KNG1: variants seen among roughly 807,000 people sequenced by gnomAD.
The protein encoded by KNG1 is kininogen 1.
In KNG1, 23 loss-of-function variants were observed where a neutral mutation model predicts 47.8. The observed-to-expected ratio is 0.48, with a 90% CI of 0.35 to 0.68. KNG1 has a LOEUF of 0.68. Ranked by LOEUF, KNG1 falls within the 30% of genes least tolerant of loss-of-function variation. KNG1 has a pLI of 0.01. For missense variants in KNG1, 762 were observed against 790.2 expected (o/e 0.96, Z 0.43); for synonymous variants, 277 against 277.0 (o/e 1.00, Z 0.00).
intron 3 of KNG1, among the ~76,000 whole-genome samples, chr3:186,723,347 A>G (rs541097662): frequency 1.6e-4 from 25 of 152,312 alleles, no homozygotes; most frequent in African/African-American, 5.5e-4. Context: ...TCTGCTATGT[A>G]ACATTAGAAC....
Position 186,744,053 on chromosome 3 carries a change from C to T in KNG1, c.*1722C>T, listed in dbSNP as rs1720880667. Reference sequence around the variant, plus strand: ...TCTGCCATGGAGGCTCATAACCCAACACTGGAACATTCCCTAGCCAAGGCA... The same window carrying T: ...TCTGCCATGGAGGCTCATAACCCAATACTGGAACATTCCCTAGCCAAGGCA... On this transcript the variant is annotated 3_prime_UTR_variant, in exon 10 of 10. Coordinates refer to ENST00000644859, the MANE Select transcript of KNG1 (RefSeq NM_001102416.3). 1 of 505,202 alleles carries T rather than the reference C, an allele frequency of 2.0e-6. No homozygotes were observed. Among genetic ancestry groups the T allele is most frequent in the Non-Finnish European group, 3.6e-6 (1 of 277,100 alleles). 31.3% of individuals were successfully genotyped at this position (505,202 alleles called of 1,614,324 possible). A position where few individuals can be genotyped will look rare whatever the true frequency, so the allele number is the denominator to read the frequency against.
intron 7 of KNG1, among the ~76,000 whole-genome samples, chr3:186,737,352 A>G (rs1446725572): frequency 6.6e-6 from 1 of 151,806 alleles, no homozygotes; most frequent in East Asian, 1.9e-4. Context: ...CATTGATTCT[A>G]TATCATAGTT....
chr3:186,721,614 A>G (rs1420488879), intron 2 of KNG1: 1 of 152,286 alleles, frequency 6.6e-6, no homozygotes, highest in East Asian at 1.9e-4. Context: ...AGACTCCAAG[A>G]GTCAAGGGGA....
At chr3:186,725,593 G>A (rs1199439000) in intron 4 of KNG1, among the ~76,000 whole-genome samples, 9 of 123,164 alleles carry the variant, frequency 7.3e-5, no homozygotes, top group African/African-American at 2.6e-4. Flanking sequence ...CGCCCAGGCT[G>A]GAGTGCAGTG....
intron 3 of KNG1, among the ~76,000 whole-genome samples, chr3:186,723,758 C>CCAGCCT (rs3083990): frequency 6.6e-6 from 1 of 151,558 alleles, no homozygotes; most frequent in Non-Finnish European, 1.5e-5. Flanking sequence ...AAGCAATTCT[C>CCAGCCT]CAGCCTCAGC....
Position 186,742,442 on chromosome 3 carries a change from CG to C in KNG1, c.*113del. The C allele has an allele frequency of 6.5e-7, 1 of 1,545,402 alleles. No homozygotes were observed. On this transcript the variant is annotated 3_prime_UTR_variant, in exon 10 of 10. Coordinates refer to ENST00000644859, the MANE Select transcript of KNG1 (RefSeq NM_001102416.3). ...TAATGCACCAAAAACCATGCAGCTT[CG>C]GAACAGTCTAAAGAGAAGTGGTGAG... is the stretch of plus-strand genomic sequence containing the variant.
intron 3 of KNG1, 53 bp downstream of exon 3, chr3:186,722,574 G>A (rs888428349): frequency 1.3e-5 from 18 of 1,370,098 alleles, no homozygotes; most frequent in Non-Finnish European, 1.9e-5. Context: ...CCATTTCTGT[G>A]AGCCAGGAAC....
intron 7 of KNG1, among the ~76,000 whole-genome samples, chr3:186,735,612 C>T (rs1489353177): frequency 6.6e-6 from 1 of 151,314 alleles, no homozygotes. Flanking sequence ...GAGTGAAACT[C>T]CATCTCAAAA....
At chr3:186,739,687 T>C (rs1185338403) in intron 9 of KNG1, among the ~76,000 whole-genome samples, 1 of 152,204 alleles carries the variant, frequency 6.6e-6, no homozygotes, top group Non-Finnish European at 1.5e-5. Context: ...GGGAGCAACA[T>C]TGGCTATGCC....
At chr3:186,724,921 G>A (rs1376358795) in intron 3 of KNG1, among the ~76,000 whole-genome samples, 167 bp from the exon 4 acceptor site, 1 of 152,066 alleles carries the variant, frequency 6.6e-6, no homozygotes, top group African/African-American at 2.4e-5. Flanking sequence ...ATGTTAGTCA[G>A]GCTGGTCTCG....
At chr3:186,717,817 C>CAT (rs1553790288) in intron 1 of KNG1, 80 bp downstream of exon 1, 1 of 970,018 alleles carries the variant, frequency 1.0e-6, no homozygotes, top group Non-Finnish European at 1.6e-6. Context: ...CACACACACA[C>CAT]ATACCACCAC....
In KNG1 at chr3:186,724,644, G is replaced by A. The variant is rs564327314; in HGVS notation, c.392-444G>A. On this transcript the variant is annotated intron_variant, in intron 3 of 9. Transcript: ENST00000644859. ...TGAGTTGATTGAATTCCTTGTATATGCTGGATGTTAGTCCCTTGTGGGATG... is the reference window on the plus strand; with the variant it reads ...TGAGTTGATTGAATTCCTTGTATATACTGGATGTTAGTCCCTTGTGGGATG... 4.7e-4 allele frequency among the ~76,000 whole-genome samples: 71 copies of A among 151,704 alleles called. 1 individual carries two copies. Among genetic ancestry groups the A allele is most frequent in the African/African-American group, 1.7e-3 (70 of 41,328 alleles).
At chr3:186,736,467 G>A (rs1444249561) in intron 7 of KNG1, 1 of 152,122 alleles carries the variant, frequency 6.6e-6, no homozygotes, top group Admixed American at 6.6e-5. Context: ...TTTCAGATAT[G>A]AAACACTTCC....
Position 186,742,003 on chromosome 3 carries a change from C to T in KNG1, c.1607C>T (p.Ala536Val). Reference sequence around the variant, plus strand: ...TCTGAAGACAGTACTACACCTTCTGCACAGACACAAGAGAAGACAGAAGGG... The same window carrying T: ...TCTGAAGACAGTACTACACCTTCTGTACAGACACAAGAGAAGACAGAAGGG... ...SSSEDSTTPS[A>V]QTQEKTEGPT... The change falls in exon 10 of 10, where the codon GCA (alanine) becomes GTA (valine). Residue 536 changes from alanine (A) to valine (V), a missense_variant. Physicochemically the swap from Ala to Val is moderately conservative, Grantham distance 64 (BLOSUM62 0). Transcript: ENST00000644859. 1 of 1,614,164 alleles carries T rather than the reference C, an allele frequency of 6.2e-7. No individual in the cohort carries two copies. The highest frequency in any genetic ancestry group is 8.5e-7 in the Non-Finnish European group (1 of 1,180,038).
chr3:186,721,188 A>G (rs956286224), intron 2 of KNG1: 2 of 152,214 alleles, frequency 1.3e-5, no homozygotes, highest in African/African-American at 4.8e-5. Context: ...ATGTCAGAAC[A>G]TAAAAGATGA....
In KNG1 at chr3:186,742,951, A is replaced by G; in HGVS notation, c.*620A>G. 1.0e-6 allele frequency: 1 copy of G among 984,550 alleles called. No homozygotes were observed. Among genetic ancestry groups the G allele is most frequent in the Non-Finnish European group, 1.2e-6 (1 of 829,164 alleles). The allele number at this position is 984,550 out of a possible 1,614,324, so 61.0% of individuals were successfully genotyped here. ...AGATTTCAAAGTAACAAGAAAGAAG[A>G]CAGGTTGGCCAAAGGGAGGAAAGGG... is the stretch of plus-strand genomic sequence containing the variant. On this transcript the variant is annotated 3_prime_UTR_variant, in exon 10 of 10. Transcript: ENST00000644859.
At chr3:186,724,529 T>A (rs1656917) in intron 3 of KNG1, among the ~76,000 whole-genome samples, 4 of 151,938 alleles carry the variant, frequency 2.6e-5, no homozygotes, top group African/African-American at 9.7e-5. Flanking sequence ...TTTTCACATA[T>A]CTGTTGGCCA....
intron 1 of KNG1, chr3:186,718,000 CCACCCACCACCAT>C (rs1363800999): frequency 5.7e-6 from 2 of 349,276 alleles, no homozygotes; most frequent in African/African-American, 3.4e-5. Context: ...TCACCCACCA[CCACCCACCACCAT>C]CACCCACCAC....
chr3:186,743,376 T>C lies in KNG1; in HGVS notation c.*1045T>C, dbSNP rs1409970550. The C allele has an allele frequency of 3.6e-6, 1 of 279,198 alleles. No homozygotes were observed. The highest frequency in any genetic ancestry group is 4.7e-5 in the Admixed American group (1 of 21,134). The allele number at this position is 279,198 out of a possible 1,614,324, so 17.3% of individuals were successfully genotyped here. ...CTATGACTTTGAAGACCATTGATTTTTGAGAAGCAGAATAATAGGATTGCC... is the reference window on the plus strand; with the variant it reads ...CTATGACTTTGAAGACCATTGATTTCTGAGAAGCAGAATAATAGGATTGCC... On this transcript the variant is annotated 3_prime_UTR_variant, in exon 10 of 10. Coordinates refer to ENST00000644859, the MANE Select transcript of KNG1 (RefSeq NM_001102416.3).
Sources: allele counts gnomAD v4.1 joint callset (sites outside exome capture counted in the v4.1 genomes callset), GRCh38; gene constraint gnomAD v4.1.1; transcripts MANE v1.5; gene names NCBI Gene and HGNC (gene_info 2026-07-23, HGNC 2026-07-21).